SCLT1: variants seen among roughly 807,000 people sequenced by gnomAD.
SCLT1 encodes the protein sodium channel and clathrin linker 1.
Under a neutral mutation model 112.8 loss-of-function variants are expected in SCLT1, and 78 were observed. The ratio of observed to expected loss-of-function variants is 0.69; its 90% confidence interval spans 0.58 to 0.83. SCLT1 has a LOEUF of 0.83. Ranked by LOEUF, SCLT1 falls within the 40% of genes least tolerant of loss-of-function variation. SCLT1 has a pLI of 0.00. For missense variants in SCLT1, 747 were observed against 770.4 expected (o/e 0.97, Z 0.36); for synonymous variants, 257 against 254.7 (o/e 1.01, Z -0.09).
chr4:128,956,775 A>C (rs569422177), intron 13 of SCLT1, among the ~76,000 whole-genome samples: 1 of 152,104 alleles, frequency 6.6e-6, no homozygotes, highest in Non-Finnish European at 1.5e-5. Flanking sequence ...AAAAAAAAGG[A>C]ACATCTTTAT....
intron 14 of SCLT1, 190 bp downstream of exon 14, chr4:128,952,579 T>C (rs1483818041): frequency 1.7e-6 from 1 of 601,744 alleles, no homozygotes; most frequent in South Asian, 1.9e-5. Context: ...ATGCCATCTA[T>C]CTTTCCTGCT....
At chr4:128,873,429 C>A (rs942870872) in intron 5 of SCLT1, 1 of 152,558 alleles carries the variant, frequency 6.6e-6, no homozygotes, top group African/African-American at 2.4e-5. Context: ...AATAGGTTTT[C>A]TGTAGTCAGA....
intron 18 of SCLT1, among the ~76,000 whole-genome samples, chr4:128,901,529 T>TGGGGGGG (rs5861871): frequency 7.5e-6 from 1 of 133,554 alleles, no homozygotes; most frequent in Admixed American, 7.5e-5. Flanking sequence ...TGTGGGGTGG[T>TGGGGGGG]GGGGGGGGGG....
Position 128,943,108 on chromosome 4 carries a change from C to A in SCLT1, c.1520G>T (p.Gly507Val), listed in dbSNP as rs1177530521. Residue 507 changes from glycine to valine, a missense_variant, in exon 17 of 21, where the codon GGG becomes GTG. This residue lies in a region of SCLT1 where 723 missense variants were observed against 721.3 expected (regional missense o/e 1.00). Coordinates refer to ENST00000281142, the MANE Select transcript of SCLT1 (RefSeq NM_144643.4). ...TTTTAGCCTTTGTTCACTGACAAGC[C>A]CACAGTTCTCTCTCTCAGACTCCAA... ...NVLESERENC[G>V]LVSEQRLKLQ... is the part of the protein sequence containing the mutation. 3.1e-6 allele frequency: 5 copies of A among 1,612,462 alleles called. No individual in the cohort carries two copies. The highest frequency in any genetic ancestry group is 1.7e-6 in the Non-Finnish European group (2 of 1,178,872).
downstream of SCLT1, among the ~76,000 whole-genome samples, chr4:128,880,178 A>G (rs959696385): frequency 6.6e-6 from 1 of 152,186 alleles, no homozygotes; most frequent in African/African-American, 2.4e-5. Context: ...ATGCTAGTGT[A>G]CAAGTAGCAG....
chr4:128,974,552 T>A (rs915075011), intron 9 of SCLT1, among the ~76,000 whole-genome samples: 1 of 152,094 alleles, frequency 6.6e-6, no homozygotes, highest in East Asian at 1.9e-4. Flanking sequence ...ATCCTGAATG[T>A]GTTCTGGACG....
intron 11 of SCLT1, among the ~76,000 whole-genome samples, chr4:128,962,773 T>C (rs1387035828): frequency 6.6e-6 from 1 of 152,182 alleles, no homozygotes; most frequent in Non-Finnish European, 1.5e-5. Flanking sequence ...CCTACTGCAA[T>C]AGCCTGAATA....
intron 5 of SCLT1, chr4:129,036,892 T>C (rs1199392885): frequency 6.6e-6 from 1 of 151,830 alleles, no homozygotes; most frequent in Non-Finnish European, 1.5e-5. Flanking sequence ...AAAGAGCCCA[T>C]GTTTTGAATA....
chr4:129,021,456 C>T (rs892028903), intron 5 of SCLT1, among the ~76,000 whole-genome samples: 2 of 152,198 alleles, frequency 1.3e-5, no homozygotes, highest in Non-Finnish European at 2.9e-5. Context: ...AATTTTGGTG[C>T]AAGCACAGCA....
At chr4:128,895,036 G>A (rs558898734) in intron 18 of SCLT1, among the ~76,000 whole-genome samples, 3 of 152,188 alleles carry the variant, frequency 2.0e-5, no homozygotes, top group Admixed American at 1.3e-4. Flanking sequence ...TCTTTGATAC[G>A]TCTCTTGCAT....
At chr4:128,983,208 C>T (rs1741818517) in intron 9 of SCLT1, among the ~76,000 whole-genome samples, 1 of 152,158 alleles carries the variant, frequency 6.6e-6, no homozygotes, top group Non-Finnish European at 1.5e-5. Flanking sequence ...CTTTATAGTA[C>T]ATCCTTTTAA....
At chr4:129,014,936 G>A (rs1049764530) in intron 5 of SCLT1, among the ~76,000 whole-genome samples, 3 of 152,100 alleles carry the variant, frequency 2.0e-5, no homozygotes, top group Non-Finnish European at 2.9e-5. Flanking sequence ...GTGGGTGGTC[G>A]TGCAGGTGGT....
intron 1 of SCLT1, among the ~76,000 whole-genome samples, chr4:129,089,981 CT>C (rs970104075): frequency 1.3e-5 from 2 of 152,066 alleles, no homozygotes; most frequent in Non-Finnish European, 1.5e-5. Flanking sequence ...ACTGCACGTT[CT>C]GCACATGTAC....
At chr4:129,021,523 C>T (rs280596) in intron 5 of SCLT1, among the ~76,000 whole-genome samples, 81,472 of 152,074 alleles carry the variant, frequency 0.54, 24,650 homozygotes, top group South Asian at 0.68. Flanking sequence ...TCCGCCATTA[C>T]TGAGGCTTGA....
chr4:128,913,319 G>C (rs1735238648), intron 18 of SCLT1, among the ~76,000 whole-genome samples: 1 of 152,168 alleles, frequency 6.6e-6, no homozygotes. Context: ...CACAGGCATG[G>C]GAAAATATAA....
intron 18 of SCLT1, among the ~76,000 whole-genome samples, chr4:128,915,933 A>G (rs773537384): frequency 4.6e-5 from 7 of 152,252 alleles, no homozygotes; most frequent in Non-Finnish European, 8.8e-5. Context: ...AAGATAGGCA[A>G]TGGGACAGAA....
intron 18 of SCLT1, among the ~76,000 whole-genome samples, chr4:128,917,200 CTGTG>C (rs1277948498): frequency 1.3e-5 from 2 of 152,236 alleles, no homozygotes; most frequent in Admixed American, 6.5e-5. Context: ...TCGAGTGGTC[CTGTG>C]TGGTGTGCTG....
intron 5 of SCLT1, among the ~76,000 whole-genome samples, chr4:129,029,705 A>C (rs947934331): frequency 3.3e-5 from 5 of 152,050 alleles, no homozygotes; most frequent in African/African-American, 9.7e-5. Flanking sequence ...AAAAAACCCC[A>C]AAAAGACAAA....
intron 8 of SCLT1, among the ~76,000 whole-genome samples, chr4:128,996,213 A>G (rs3099899): frequency 0.72 from 109,618 of 151,868 alleles, 41,572 homozygotes; most frequent in South Asian, 0.9. Context: ...TCCCCCAGGA[A>G]GTGAGAACAT....
Sources: gnomAD v4.1 joint callset for allele counts (sites outside exome capture counted in the v4.1 genomes callset) on GRCh38, gnomAD v4.1.1 for gene constraint, gnomAD v4.1.1 regional missense constraint, MANE v1.5 for transcripts, NCBI Gene and HGNC (gene_info 2026-07-23, HGNC 2026-07-21) for gene names.